Variants in ABCC3 observed in about 807,000 individuals in gnomAD.
The protein encoded by ABCC3 is ATP binding cassette subfamily C member 3.
ABCC3 carries 121 observed loss-of-function variants against 165.3 expected under a neutral mutation model. The ratio of observed to expected loss-of-function variants is 0.73; its 90% CI spans 0.63 to 0.85. The LOEUF is 0.85. Ranked by LOEUF, ABCC3 falls within the 40% of genes least tolerant of loss-of-function variation. The pLI is 0.00. For synonymous variants in ABCC3, 733 were observed against 810.1 expected (o/e 0.90, Z 1.62); for missense variants, 1,869 against 1,964.1 (o/e 0.95, Z 0.92).
Position 50,645,371 on chromosome 17 carries a change from C to CAA in ABCC3, c.45+10417_45+10418dup, listed in dbSNP as rs141598761. On this transcript the variant is annotated intron_variant, in intron 1 of 30. Coordinates refer to ENST00000285238, the MANE Select transcript of ABCC3 (RefSeq NM_003786.4). ...CCTGGGCGACAGAGCAAGATTCCAT[C>CAA]AAAAAAAAAAAAAAAAAAAAAAAAA... Among the ~76,000 whole-genome samples the CAA allele has an allele frequency of 7.0e-3, 329 of 46,860 alleles. 18 individuals carry two copies. Among genetic ancestry groups the CAA allele is most frequent in the African/African-American group, 0.024 (263 of 11,144 alleles). The allele number at this position is 46,860 out of a possible 152,430, so 30.7% of individuals were successfully genotyped here.
intron 29 of ABCC3, among the ~76,000 whole-genome samples, chr17:50,686,405 C>T (rs1335803315): frequency 6.6e-6 from 1 of 152,172 alleles, no homozygotes; most frequent in Non-Finnish European, 1.5e-5. Context: ...CAGCCACCTC[C>T]CTCACCTGGA....
chr17:50,639,778 T>G lies in ABCC3; in HGVS notation c.45+4797T>G, dbSNP rs145904239. On this transcript the variant is annotated intron_variant, in intron 1 of 30. Coordinates refer to ENST00000285238, the MANE Select transcript of ABCC3 (RefSeq NM_003786.4). ...ATTTTGGATTTCTCCTTTTTTTTTTTTTTGTGACAGAGTCTTGCTCTGTCG... is the reference window on the plus strand; with the variant it reads ...ATTTTGGATTTCTCCTTTTTTTTTTGTTTGTGACAGAGTCTTGCTCTGTCG... 4.8e-4 allele frequency among the ~76,000 whole-genome samples: 73 copies of G among 151,926 alleles called. 1 individual carries two copies. The highest frequency in any genetic ancestry group is 1.2e-3 in the South Asian group (6 of 4,814).
In ABCC3 at chr17:50,684,704, C is replaced by A; in HGVS notation, c.4114-5C>A. 1 of 1,613,580 alleles carries A rather than the reference C, an allele frequency of 6.2e-7. No individual in the cohort carries two copies. The highest frequency in any genetic ancestry group is 1.1e-5 in the South Asian group (1 of 90,988). ...CCTCCCTCTGAGGCCACGTTGTATC[C>A]CCAGGACCCCATCCTGTTCTCGGGG... On this transcript the variant is annotated splice_polypyrimidine_tract_variant and splice_region_variant and intron_variant, in intron 28 of 30. Coordinates refer to ENST00000285238, the MANE Select transcript of ABCC3 (RefSeq NM_003786.4).
intron 11 of ABCC3, 43 bp downstream of exon 11, chr17:50,665,288 G>T: frequency 6.3e-7 from 1 of 1,597,082 alleles, no homozygotes; most frequent in East Asian, 2.2e-5. Flanking sequence ...GCAGCACCCG[G>T]CCGGCTGCCT....
intron 11 of ABCC3, among the ~76,000 whole-genome samples, chr17:50,666,463 C>T (rs1967529815): frequency 6.6e-6 from 1 of 151,892 alleles, no homozygotes; most frequent in South Asian, 2.1e-4. Context: ...AAGAGCGAAA[C>T]TCCGTCTCAA....
At chr17:50,687,860 CAG>C (rs907865050) in intron 30 of ABCC3, 130 bp downstream of exon 30, 4 of 988,520 alleles carry the variant, frequency 4.0e-6, no homozygotes, top group Non-Finnish European at 6.0e-6. Context: ...GCAGGCAGAG[CAG>C]AGTTTCCCAA....
At chr17:50,658,587 C>T (rs953222887) in intron 6 of ABCC3, 91 bp downstream of exon 6, 31 of 1,420,360 alleles carry the variant, frequency 2.2e-5, no homozygotes, top group Non-Finnish European at 2.8e-5. Flanking sequence ...GTTTAGGGAC[C>T]GGGCTGGCCA....
At chr17:50,648,689 A>C (rs533172003) in intron 1 of ABCC3, among the ~76,000 whole-genome samples, 22 of 151,916 alleles carry the variant, frequency 1.4e-4, no homozygotes, top group Non-Finnish European at 2.6e-4. Flanking sequence ...GGTCCTTGGT[A>C]CTCTCACTCA....
Position 50,684,028 on chromosome 17 carries a change from G to A in ABCC3, c.4034G>A (p.Gly1345Asp). 6.2e-7 allele frequency: 1 copy of A among 1,613,126 alleles called. No individual in the cohort carries two copies. Among genetic ancestry groups the A allele is most frequent in the Non-Finnish European group, 8.5e-7 (1 of 1,179,712 alleles). The part of the protein sequence containing the change: ...CLFRILEAAK[G>D]EIRIDGLNVA... ...TTCCGCATCCTGGAGGCGGCAAAGG[G>A]TGAAATCCGCATTGATGGCCTCAAT... is the stretch of plus-strand genomic sequence containing the variant. The change falls in exon 28 of 31, where the codon GGT becomes GAT. Residue 1345 changes from glycine to aspartate, a missense_variant. Transcript: ENST00000285238.
intron 1 of ABCC3, among the ~76,000 whole-genome samples, chr17:50,650,525 T>G (rs1401422218): frequency 1.3e-5 from 2 of 152,226 alleles, no homozygotes; most frequent in South Asian, 2.1e-4. Context: ...AACTCTTATA[T>G]CCATTCACTT....
chr17:50,673,255 G>A, intron 18 of ABCC3, 117 bp downstream of exon 18: 1 of 1,375,450 alleles, frequency 7.3e-7, no homozygotes, highest in Non-Finnish European at 9.9e-7. Flanking sequence ...CAAGAAGTGG[G>A]CATGTGGGTT....
intron 8 of ABCC3, among the ~76,000 whole-genome samples, chr17:50,661,482 G>T (rs1401034172): frequency 6.6e-6 from 1 of 152,222 alleles, no homozygotes; most frequent in Non-Finnish European, 1.5e-5. Context: ...GAAGGAATCA[G>T]GTCTGAGTCC....
chr17:50,690,503 T>A (rs1340320669), intron 30 of ABCC3, among the ~76,000 whole-genome samples: 1 of 152,166 alleles, frequency 6.6e-6, no homozygotes, highest in Non-Finnish European at 1.5e-5. Flanking sequence ...TGCCGTACCC[T>A]GGTGGAGCCA....
Position 50,658,133 on chromosome 17 carries a change from C to T in ABCC3, c.538C>T (p.Leu180=). 2 of 1,614,230 alleles carry T rather than the reference C, an allele frequency of 1.2e-6. No homozygotes were observed. Among genetic ancestry groups the T allele is most frequent in the Non-Finnish European group, 1.7e-6 (2 of 1,180,030 alleles). ...CACCACCTTCTACATCCACTTTGCCCTGGTACTCTCTGCCCTCATCTTGGC... is the reference window on the plus strand; with the variant it reads ...CACCACCTTCTACATCCACTTTGCCTTGGTACTCTCTGCCCTCATCTTGGC... The part of the protein sequence containing the change: ...RFTTFYIHFA[L]VLSALILACF... The change falls in exon 5 of 31, where the codon CTG becomes TTG. Residue 180 remains leucine, a synonymous_variant. Coordinates refer to ENST00000285238, the MANE Select transcript of ABCC3 (RefSeq NM_003786.4).
At position 50,683,734 on chromosome 17, in the gene ABCC3, T is replaced by C; in HGVS notation, c.3932T>C (p.Leu1311Pro). The C allele has an allele frequency of 6.2e-7, 1 of 1,607,142 alleles. No individual in the cohort carries two copies. The highest frequency in any genetic ancestry group is 1.1e-5 in the South Asian group (1 of 90,406). Residue 1311 changes from leucine to proline, a missense_variant, in exon 27 of 31, where the codon CTG becomes CCG. Transcript: ENST00000285238. Reference protein sequence around the residue: ...GLDLVLRDLSLHVHGGEKVGI... With the variant: ...GLDLVLRDLSPHVHGGEKVGI... Reference sequence around the variant, plus strand: ...GACCTGGTGCTGAGAGACCTGAGTCTGCATGTGCACGGTGGCGAGAAGGTA... The same window carrying C: ...GACCTGGTGCTGAGAGACCTGAGTCCGCATGTGCACGGTGGCGAGAAGGTA...
chr17:50,662,811 G>T (rs1967422480), intron 8 of ABCC3, among the ~76,000 whole-genome samples: 1 of 152,126 alleles, frequency 6.6e-6, no homozygotes, highest in Non-Finnish European at 1.5e-5. Context: ...CACAGAAGGG[G>T]AGGCCTGGCT....
intron 1 of ABCC3, among the ~76,000 whole-genome samples, chr17:50,641,866 T>A (rs537722924): frequency 1.3e-5 from 2 of 152,032 alleles, no homozygotes; most frequent in South Asian, 4.2e-4. Context: ...GGCCACATAG[T>A]GGGACCCCAT....
At chr17:50,667,082 A>G (rs1436742583) in intron 11 of ABCC3, among the ~76,000 whole-genome samples, 2 of 152,108 alleles carry the variant, frequency 1.3e-5, no homozygotes, top group Admixed American at 1.3e-4. Flanking sequence ...TTAGCTGGGC[A>G]TGGTTGTTCA....
At chr17:50,658,279 AC>A (rs547795510) in intron 5 of ABCC3, 72 bp downstream of exon 5, 41 of 1,609,010 alleles carry the variant, frequency 2.5e-5, no homozygotes, top group Non-Finnish European at 3.3e-5. Flanking sequence ...GCAGCCCCCA[AC>A]CCCTCCAGTT....
Sources: gnomAD v4.1 joint callset for allele counts (sites outside exome capture counted in the v4.1 genomes callset) on GRCh38, gnomAD v4.1.1 for gene constraint, MANE v1.5 for transcripts, NCBI Gene and HGNC (gene_info 2026-07-23, HGNC 2026-07-21) for gene names.